Variants in XRCC3 observed in about 807,000 individuals in gnomAD.
The protein encoded by XRCC3 is DNA repair protein XRCC3.
In XRCC3, 34 loss-of-function variants were observed where a neutral mutation model predicts 29.2. The observed-to-expected ratio is 1.16, with a 90% CI of 0.88 to 1.55. XRCC3 has a LOEUF of 1.55. XRCC3 is among the 40% of genes most tolerant of loss of function. XRCC3 has a pLI of 0.00. For missense variants in XRCC3, 463 were observed against 467.6 expected (o/e 0.99, Z 0.09); for synonymous variants, 223 against 211.3 (o/e 1.06, Z -0.48).
At position 103,703,162 on chromosome 14, in the gene XRCC3, C is replaced by T. The variant is rs1387358551; in HGVS notation, c.561+11G>A. Reference sequence around the variant, plus strand: ...GCCTTGGGGGTGTCATGGGGCTTCTCCCACACTCACCACATCGGCCACGTG... The same window carrying T: ...GCCTTGGGGGTGTCATGGGGCTTCTTCCACACTCACCACATCGGCCACGTG... On this transcript the variant is annotated intron_variant, in intron 7 of 9. Coordinates refer to ENST00000555055, the MANE Select transcript of XRCC3 (RefSeq NM_005432.4). 2 of 1,564,712 alleles carry T rather than the reference C, an allele frequency of 1.3e-6. No individual in the cohort carries two copies. The highest frequency in any genetic ancestry group is 1.8e-5 in the Admixed American group (1 of 54,444).
chr14:103,701,435 T>C (rs2083188019), intron 7 of XRCC3: 1 of 458,750 alleles, frequency 2.2e-6, no homozygotes, highest in Admixed American at 3.7e-5. Context: ...CCAGGAGACC[T>C]GGGGCATGAG....
rs2083288245 is a variant in XRCC3, at chr14:103,703,032, C to G, written c.561+141G>C. 6 of 1,336,422 alleles carry G rather than the reference C, an allele frequency of 4.5e-6. No individual in the cohort carries two copies. The Middle Eastern group carries it at 7.9e-4, about 176-fold the overall frequency. 82.8% of individuals were successfully genotyped at this position (1,336,422 alleles called of 1,614,324 possible). A position where few individuals can be genotyped will look rare whatever the true frequency, so the allele number is the denominator to read the frequency against. On this transcript the variant is annotated intron_variant, in intron 7 of 9. Coordinates refer to ENST00000555055, the MANE Select transcript of XRCC3 (RefSeq NM_005432.4). ...CCACCTGCTCCTCGGGCGTAAACCC[C>G]CATGACCCATGCTGTGTTCAGAGCT...
chr14:103,699,699 C>A (rs1456490493), intron 7 of XRCC3, 123 bp from the exon 8 acceptor site: 2 of 900,762 alleles, frequency 2.2e-6, no homozygotes, highest in Non-Finnish European at 3.6e-6. Flanking sequence ...CTCACAGTGC[C>A]CATACTCTGT....
At position 103,707,113 on chromosome 14, in the gene XRCC3, A is replaced by G. The variant is rs1156340369; in HGVS notation, c.296T>C (p.Leu99Pro). The G allele has an allele frequency of 1.9e-6, 3 of 1,551,292 alleles. No homozygotes were observed. The highest frequency in any genetic ancestry group is 3.9e-5 in the Admixed American group (2 of 51,266). Reference protein sequence around the residue: ...LDALLRGGLPLDGITELAGRS... With the variant: ...LDALLRGGLPPDGITELAGRS... ...TCCGGCCAGCTCAGTGATGCCGTCC[A>G]GGGGCAGGCCACCGCGGAGCAGCGC... Residue 99 changes from leucine to proline, a missense_variant, in exon 6 of 10, where the codon CTG (leucine) becomes CCG (proline). Leu to Pro is a moderately conservative substitution (Grantham distance 98). Coordinates refer to ENST00000555055, the MANE Select transcript of XRCC3 (RefSeq NM_005432.4).
At chr14:103,713,796 G>T (rs2083711513) in intron 1 of XRCC3, 2 of 152,230 alleles carry the variant, frequency 1.3e-5, no homozygotes, top group Admixed American at 1.3e-4. Flanking sequence ...CATATGTGAG[G>T]ACTTGAGTGA....
chr14:103,710,318 C>G (rs966467942), intron 4 of XRCC3: 1 of 152,390 alleles, frequency 6.6e-6, no homozygotes, highest in Non-Finnish European at 1.5e-5. Flanking sequence ...AGTTGGGGTA[C>G]ACAGGTGTAG....
intron 7 of XRCC3, chr14:103,700,750 C>T: frequency 1.3e-6 from 2 of 1,545,228 alleles, no homozygotes; most frequent in Non-Finnish European, 1.8e-6. Flanking sequence ...GCCTGCAGCC[C>T]CAGGAAGCAG....
intron 3 of XRCC3, 52 bp downstream of exon 3, chr14:103,711,414 G>A: frequency 5.4e-6 from 3 of 559,956 alleles, no homozygotes; most frequent in Non-Finnish European, 1.0e-5. Flanking sequence ...TGTGGAAAGT[G>A]CTAGAAATAA....
Position 103,697,831 on chromosome 14 carries a change from G to C in XRCC3, c.*967C>G, listed in dbSNP as rs1361173078. The C allele has an allele frequency of 6.6e-6, 1 of 152,248 alleles. No individual in the cohort carries two copies. The highest frequency in any genetic ancestry group is 1.5e-5 in the Non-Finnish European group (1 of 68,104). 9.4% of individuals were successfully genotyped at this position (152,248 alleles called of 1,614,324 possible). A position where few individuals can be genotyped will look rare whatever the true frequency, so the allele number is the denominator to read the frequency against. Reference sequence around the variant, plus strand: ...GGCTCTGCTTTCCAGCCAGATGTAAGGCCTGGCCACAGTGTGGGACTGGGT... The same window carrying C: ...GGCTCTGCTTTCCAGCCAGATGTAACGCCTGGCCACAGTGTGGGACTGGGT... On this transcript the variant is annotated 3_prime_UTR_variant, in exon 10 of 10. Transcript: ENST00000555055.
In XRCC3 at chr14:103,707,669, T is replaced by C. The variant is rs1595668724; in HGVS notation, c.194-454A>G. 1.2e-5 allele frequency: 3 copies of C among 257,026 alleles called. No individual in the cohort carries two copies. In the East Asian group the frequency reaches 3.1e-4, roughly 27 times the overall value. The allele number at this position is 257,026 out of a possible 1,614,324, so 15.9% of individuals were successfully genotyped here. A position where few individuals can be genotyped will look rare whatever the true frequency, so the allele number is the denominator to read the frequency against. On this transcript the variant is annotated intron_variant, in intron 5 of 9. Coordinates refer to ENST00000555055, the MANE Select transcript of XRCC3 (RefSeq NM_005432.4). ...CATGCCGTCAGTTCTCTGTGACAGA[T>C]ACCATTCTGGAGCAATGCTGGTCTC...
At chr14:103,700,652 C>T (rs2083105864) in intron 7 of XRCC3, 4 of 1,606,504 alleles carry the variant, frequency 2.5e-6, no homozygotes, top group Non-Finnish European at 3.4e-6. Context: ...GCTTCATCTC[C>T]AGGGCGTCTC....
intron 7 of XRCC3, chr14:103,700,585 C>T (rs1172039842): frequency 7.7e-7 from 1 of 1,290,708 alleles, no homozygotes; most frequent in East Asian, 2.4e-5. Context: ...GGTGTCACGC[C>T]CGGAGCTCTG....
intron 6 of XRCC3, 136 bp downstream of exon 6, chr14:103,706,867 C>T (rs1433085896): frequency 9.8e-7 from 1 of 1,020,244 alleles, no homozygotes; most frequent in Non-Finnish European, 1.5e-6. Flanking sequence ...CGAGGGCAAT[C>T]AGGGTGAGAA....
intron 7 of XRCC3, chr14:103,701,398 T>C (rs1319182288): frequency 3.8e-6 from 2 of 531,854 alleles, no homozygotes; most frequent in Non-Finnish European, 6.6e-6. Flanking sequence ...GGGCCTAAGC[T>C]GGTGCCCTGG....
At chr14:103,710,612 G>C (rs778471737) in intron 4 of XRCC3, 20 of 170,260 alleles carry the variant, frequency 1.2e-4, no homozygotes, top group Non-Finnish European at 2.3e-4. Flanking sequence ...GTGGTGACTG[G>C]CGCCTGTAGT....
intron 6 of XRCC3, chr14:103,705,137 T>C (rs947360422): frequency 2.0e-5 from 3 of 152,242 alleles, no homozygotes; most frequent in African/African-American, 4.8e-5. Flanking sequence ...TCTGGCCCGC[T>C]TGAGGCCAGG....
chr14:103,699,594 A>G lies in XRCC3; in HGVS notation c.562-18T>C, dbSNP rs1322665879. 1 of 1,612,138 alleles carries G rather than the reference A, an allele frequency of 6.2e-7. No homozygotes were observed. Among genetic ancestry groups the G allele is most frequent in the Non-Finnish European group, 8.5e-7 (1 of 1,179,142 alleles). On this transcript the variant is annotated intron_variant, in intron 7 of 9. Coordinates refer to ENST00000555055, the MANE Select transcript of XRCC3 (RefSeq NM_005432.4). ...AAGGTGTCCTGTGGGGACAGCTGTC[A>G]TTGTCTATGCTGGTCAGCAAGTCCC...
intron 5 of XRCC3, chr14:103,708,024 G>A (rs996345724): frequency 1.7e-5 from 4 of 229,174 alleles, no homozygotes; most frequent in African/African-American, 9.0e-5. Flanking sequence ...GCAGGGGAGA[G>A]AGGGCCCTGC....
intron 6 of XRCC3, chr14:103,706,314 G>A (rs1347500596): frequency 2.2e-6 from 1 of 455,768 alleles, no homozygotes; most frequent in Admixed American, 2.4e-5. Flanking sequence ...GTCCGGCCCT[G>A]TGTGGGAAGT....
Sources: allele counts gnomAD v4.1 joint callset, GRCh38; gene constraint gnomAD v4.1.1; transcripts MANE v1.5; gene names NCBI Gene and HGNC (gene_info 2026-07-23, HGNC 2026-07-21).